Variants in RANBP2 observed in about 807,000 individuals in gnomAD.
The protein encoded by RANBP2 is E3 SUMO-protein ligase RanBP2.
Under a neutral mutation model 303.6 loss-of-function variants are expected in RANBP2, and 57 were observed. The ratio of observed to expected loss-of-function variants is 0.19; its 90% CI spans 0.15 to 0.23. The LOEUF is 0.23. Among genes scored for constraint, RANBP2 ranks in the 10% least tolerant of loss-of-function variants. The pLI, the probability that RANBP2 is intolerant of heterozygous loss-of-function variation, is 1.00. For synonymous variants in RANBP2, 1,167 were observed against 1,301.5 expected, an observed-to-expected ratio of 0.90 and a Z score of 2.23; for missense variants, 3,138 against 3,780.8, an observed-to-expected ratio of 0.83 and a Z score of 4.46.
chr2:109,511,965 A>G, the RANBP2 span, among the ~76,000 whole-genome samples: 1 of 152,128 alleles, frequency 6.6e-6, no homozygotes, highest in Non-Finnish European at 1.5e-5. Flanking sequence ...GAATTGCCCT[A>G]GATGGTGTTG....
At chr2:108,773,634 AC>A (rs2149303877) in intron 23 of RANBP2, among the ~76,000 whole-genome samples, 1 of 149,596 alleles carries the variant, frequency 6.7e-6, no homozygotes, top group South Asian at 2.1e-4. Context: ...ACCAGTCAAA[AC>A]CCCTCCAGGA....
the RANBP2 span, among the ~76,000 whole-genome samples, chr2:109,107,363 G>A: frequency 6.6e-6 from 1 of 152,124 alleles, no homozygotes; most frequent in East Asian, 1.9e-4. Flanking sequence ...GTTGACAGAG[G>A]GGATGGAAAG....
At chr2:109,157,473 T>C in the RANBP2 span, among the ~76,000 whole-genome samples, 8 of 152,230 alleles carry the variant, frequency 5.3e-5, no homozygotes, top group Admixed American at 2.6e-4. Context: ...ATATCTGCAT[T>C]TCCATACTCT....
At chr2:109,352,437 G>A in the RANBP2 span, among the ~76,000 whole-genome samples, 6 of 152,272 alleles carry the variant, frequency 3.9e-5, no homozygotes, top group South Asian at 2.1e-4. Context: ...TGGAGGCCAC[G>A]GTCCCCTCAC....
At chr2:109,315,906 A>G in the RANBP2 span, among the ~76,000 whole-genome samples, 47,344 of 151,926 alleles carry the variant, frequency 0.31, 9,125 homozygotes, top group African/African-American at 0.55. Flanking sequence ...TGCGACCAGC[A>G]TAGGTCTGTG....
the RANBP2 span, chr2:109,615,781 C>T: frequency 6.2e-7 from 1 of 1,614,084 alleles, no homozygotes; most frequent in Non-Finnish European, 8.5e-7. Flanking sequence ...CTCTCACACG[C>T]CCTAGAAGAT....
chr2:109,629,343 ATATATATATATATT>A, the RANBP2 span, among the ~76,000 whole-genome samples: 336 of 7,000 alleles, frequency 0.048, 9 homozygotes, highest in Non-Finnish European at 0.087. Context: ...ATATATATAT[ATATATATATATATT>A]TTTTTTTTTT....
Position 108,749,015 on chromosome 2 carries a change from G to A in RANBP2, c.1159G>A (p.Asp387Asn), listed in dbSNP as rs1255674808. 1.9e-6 allele frequency: 3 copies of A among 1,611,918 alleles called. No individual in the cohort carries two copies. Among genetic ancestry groups the A allele is most frequent in the Middle Eastern group, 4.5e-4 (2 of 4,430 alleles). ...CAAAAGCGGGCAGTCTGCATTATAT[G>A]ATGCTCTGTTTTCTAGTCAGTCACC... Reference protein sequence around the residue: ...ANKSGQSALYDALFSSQSPKD... With the variant: ...ANKSGQSALYNALFSSQSPKD... Residue 387 changes from aspartate to asparagine, a missense_variant, in exon 9 of 29, where the codon GAT (aspartate) becomes AAT (asparagine). Physicochemically the swap from Asp to Asn is conservative, Grantham distance 23. Around this residue, in one of 20 missense-constraint regions of RANBP2, gnomAD observed 95 missense variants for 86.4 expected, o/e 1.10. Transcript: ENST00000283195.
chr2:109,652,210 A>T, the RANBP2 span, among the ~76,000 whole-genome samples: 12 of 151,596 alleles, frequency 7.9e-5, no homozygotes, highest in South Asian at 2.3e-3. Context: ...CATGGACTTA[A>T]AAAAGGATTT....
chr2:108,911,984 C>T, the RANBP2 span, among the ~76,000 whole-genome samples: 2 of 152,216 alleles, frequency 1.3e-5, no homozygotes, highest in Non-Finnish European at 1.5e-5. Flanking sequence ...CTACTCCCCC[C>T]GGGGCCTGTG....
At chr2:109,593,082 A>G in the RANBP2 span, 1 of 1,601,752 alleles carries the variant, frequency 6.2e-7, no homozygotes, top group Non-Finnish European at 8.5e-7. Flanking sequence ...TTGTGAAGAC[A>G]TACAAGTTGT....
At chr2:109,616,232 G>C in the RANBP2 span, 1 of 1,133,212 alleles carries the variant, frequency 8.8e-7, no homozygotes, top group Non-Finnish European at 1.2e-6. Context: ...TCTGGGAAAA[G>C]TGGATGTCTT....
chr2:109,736,926 C>G, the RANBP2 span, among the ~76,000 whole-genome samples: 3 of 151,960 alleles, frequency 2.0e-5, no homozygotes, highest in African/African-American at 7.3e-5. Context: ...TTCTCCTACT[C>G]TAGTACTACC....
At chr2:109,642,287 CA>C in the RANBP2 span, among the ~76,000 whole-genome samples, 1 of 152,178 alleles carries the variant, frequency 6.6e-6, no homozygotes, top group Non-Finnish European at 1.5e-5. Context: ...CCCAAGCTTT[CA>C]AATTTCTACC....
the RANBP2 span, among the ~76,000 whole-genome samples, chr2:109,041,245 G>A: frequency 6.6e-6 from 1 of 151,844 alleles, no homozygotes. Flanking sequence ...CTACTTATAC[G>A]AGTATAGCAT....
chr2:108,835,751 G>A, the RANBP2 span, among the ~76,000 whole-genome samples: 1 of 152,062 alleles, frequency 6.6e-6, no homozygotes, highest in Non-Finnish European at 1.5e-5. Context: ...ATTTTATCTT[G>A]CAAAACTAAA....
chr2:109,218,677 G>A, the RANBP2 span, among the ~76,000 whole-genome samples: 2 of 152,184 alleles, frequency 1.3e-5, no homozygotes, highest in African/African-American at 2.4e-5. Context: ...GCAGGAGTGA[G>A]GGAGGGTGGT....
chr2:109,722,422 C>T, the RANBP2 span, among the ~76,000 whole-genome samples: 2 of 152,212 alleles, frequency 1.3e-5, no homozygotes, highest in Non-Finnish European at 2.9e-5. Flanking sequence ...CAAACCCTCT[C>T]CCATCTCTGT....
the RANBP2 span, among the ~76,000 whole-genome samples, chr2:109,018,642 C>T: frequency 2.0e-5 from 3 of 152,212 alleles, no homozygotes; most frequent in Admixed American, 6.5e-5. Flanking sequence ...TATGCTCCCA[C>T]GGCCACAGGC....
Sources: gnomAD v4.1 joint callset for allele counts (sites outside exome capture counted in the v4.1 genomes callset) on GRCh38, gnomAD v4.1.1 for gene constraint, gnomAD v4.1.1 regional missense constraint, MANE v1.5 for transcripts, NCBI Gene and HGNC (gene_info 2026-07-23, HGNC 2026-07-21) for gene names.